Variants in SPPL3 observed in about 807,000 individuals in gnomAD.
SPPL3 encodes the protein signal peptide peptidase-like 3.
SPPL3 carries 5 observed loss-of-function variants against 42.4 expected under a neutral mutation model. The observed-to-expected ratio is 0.12, with a 90% CI of 0.06 to 0.25. The LOEUF is 0.25. Among genes scored for constraint, SPPL3 ranks in the 10% least tolerant of loss-of-function variants. The pLI, the probability that SPPL3 is intolerant of heterozygous loss-of-function variation, is 1.00. For synonymous variants in SPPL3, 195 were observed against 181.8 expected, an observed-to-expected ratio of 1.07 and a Z score of -0.58; for missense variants, 235 against 489.0, an observed-to-expected ratio of 0.48 and a Z score of 4.90.
intron 1 of SPPL3, among the ~76,000 whole-genome samples, chr12:120,852,368 A>G: frequency 1.6e-5 from 1 of 63,378 alleles, no homozygotes; most frequent in African/African-American, 5.6e-5. Flanking sequence ...TATGAAATAT[A>G]TGTATATATA....
At chr12:120,846,544 C>A (rs1455403277) in intron 1 of SPPL3, among the ~76,000 whole-genome samples, 4 of 152,090 alleles carry the variant, frequency 2.6e-5, no homozygotes, top group African/African-American at 9.7e-5. Flanking sequence ...TCTATAAAAG[C>A]TATGGAGAGT....
At chr12:120,807,874 A>C (rs1870552262) in intron 2 of SPPL3, among the ~76,000 whole-genome samples, 1 of 152,018 alleles carries the variant, frequency 6.6e-6, no homozygotes, top group Admixed American at 6.5e-5. Flanking sequence ...AAAAACACCA[A>C]CTTATTCAGT....
rs11374486 is a variant in SPPL3 at position 120,820,306 on chromosome 12, A to ATTTTT, written c.24-9425_24-9421dup. Among the ~76,000 whole-genome samples, 808 of 100,988 alleles carry ATTTTT rather than the reference A, an allele frequency of 8.0e-3. 2 individuals carry two copies. Among genetic ancestry groups the ATTTTT allele is most frequent in the African/African-American group, 0.012 (288 of 24,422 alleles). The allele number at this position is 100,988 out of a possible 152,430, so 66.3% of individuals were successfully genotyped here. The stretch of plus-strand genomic sequence containing the variant: ...GGACTTAATTTGTATCTTTCTCTAA[A>ATTTTT]TTTTTTTTTTTTTTTTTTTTTTTTG... On this transcript the variant is annotated intron_variant, in intron 1 of 10. Transcript: ENST00000353487.
intron 3 of SPPL3, among the ~76,000 whole-genome samples, chr12:120,787,495 AACTCTTGCCCTCCACCCTC>A (rs1282484507): frequency 6.6e-6 from 1 of 152,118 alleles, no homozygotes; most frequent in Non-Finnish European, 1.5e-5. Flanking sequence ...ACCTGGAGGG[AACTCTTGCCCTCCACCCTC>A]ACTCCTGTCA....
chr12:120,836,093 T>C (rs1304252810), intron 1 of SPPL3, among the ~76,000 whole-genome samples: 1 of 152,124 alleles, frequency 6.6e-6, no homozygotes, highest in East Asian at 1.9e-4. Flanking sequence ...TCTGTAACTT[T>C]GGAGTGTGCA....
chr12:120,796,719 T>TAG (rs2136990291), intron 2 of SPPL3, among the ~76,000 whole-genome samples: 1 of 152,336 alleles, frequency 6.6e-6, no homozygotes, highest in East Asian at 1.9e-4. Flanking sequence ...GGGTAATTAT[T>TAG]CTCTATCATT....
intron 5 of SPPL3, 52 bp downstream of exon 5, chr12:120,783,622 C>G: frequency 2.0e-6 from 3 of 1,488,814 alleles, no homozygotes; most frequent in Non-Finnish European, 2.7e-6. Flanking sequence ...TCAAATATGA[C>G]AGAAAAATAT....
intron 2 of SPPL3, among the ~76,000 whole-genome samples, chr12:120,793,401 T>A (rs947121019): frequency 6.6e-6 from 1 of 152,074 alleles, no homozygotes; most frequent in Non-Finnish European, 1.5e-5. Context: ...CAGGCTGAGG[T>A]AGGAGATCAC....
At chr12:120,855,984 T>C (rs2090647851) in intron 1 of SPPL3, among the ~76,000 whole-genome samples, 1 of 152,202 alleles carries the variant, frequency 6.6e-6, no homozygotes. Flanking sequence ...AAGCCAGCAC[T>C]GTTCAACAGA....
chr12:120,903,692 C>T (rs74416604), intron 1 of SPPL3, among the ~76,000 whole-genome samples, 153 bp downstream of exon 1: 9,692 of 152,122 alleles, frequency 0.064, 543 homozygotes, highest in East Asian at 0.3. Context: ...GCCAGCCGCC[C>T]CCTCCGGTGG....
intron 8 of SPPL3, among the ~76,000 whole-genome samples, 161 bp downstream of exon 8, chr12:120,768,161 CCTT>C (rs1199661562): frequency 6.6e-6 from 1 of 152,212 alleles, no homozygotes; most frequent in Non-Finnish European, 1.5e-5. Flanking sequence ...ACTCAGTGAT[CCTT>C]CTTGGCAAGC....
intron 1 of SPPL3, among the ~76,000 whole-genome samples, chr12:120,839,552 C>T (rs1871736957): frequency 6.6e-6 from 1 of 151,940 alleles, no homozygotes; most frequent in African/African-American, 2.4e-5. Flanking sequence ...CTTTCCTGAA[C>T]TCATCTTAAA....
At chr12:120,856,692 T>C (rs1260698860) in intron 1 of SPPL3, among the ~76,000 whole-genome samples, 1 of 151,924 alleles carries the variant, frequency 6.6e-6, no homozygotes, top group Non-Finnish European at 1.5e-5. Context: ...AATCTGCACC[T>C]ACAACAAAGC....
At chr12:120,833,438 A>T (rs1307517164) in intron 1 of SPPL3, among the ~76,000 whole-genome samples, 1 of 152,214 alleles carries the variant, frequency 6.6e-6, no homozygotes, top group Non-Finnish European at 1.5e-5. Context: ...ACATTTTAAC[A>T]AATAGGATGG....
intron 1 of SPPL3, among the ~76,000 whole-genome samples, chr12:120,876,356 G>A (rs1873085404): frequency 6.6e-6 from 1 of 152,004 alleles, no homozygotes; most frequent in Non-Finnish European, 1.5e-5. Context: ...GCTCACGCCT[G>A]TAATCTCAGC....
chr12:120,836,579 TGAAGAATCATGA>T (rs1871629157), intron 1 of SPPL3, among the ~76,000 whole-genome samples: 1 of 152,156 alleles, frequency 6.6e-6, no homozygotes, highest in African/African-American at 2.4e-5. Context: ...AATGCAGATC[TGAAGAATCATGA>T]GCAAATATAG....
At chr12:120,851,157 T>C (rs577643861) in intron 1 of SPPL3, among the ~76,000 whole-genome samples, 1 of 152,330 alleles carries the variant, frequency 6.6e-6, no homozygotes, top group South Asian at 2.1e-4. Flanking sequence ...TCCTAATGAA[T>C]GAGAACGCGA....
intron 1 of SPPL3, among the ~76,000 whole-genome samples, chr12:120,902,244 CCTT>C (rs62785060): frequency 0.054 from 8,281 of 152,268 alleles, 300 homozygotes; most frequent in Non-Finnish European, 0.082. Flanking sequence ...CTCTCAGTTA[CCTT>C]CTTCTTGAGA....
chr12:120,821,488 TA>T (rs1479397310), intron 1 of SPPL3, among the ~76,000 whole-genome samples: 1 of 152,178 alleles, frequency 6.6e-6, no homozygotes, highest in African/African-American at 2.4e-5. Context: ...ACAAGCTGGA[TA>T]AAGCAGTTTT....
Sources: gnomAD v4.1 joint callset for allele counts (sites outside exome capture counted in the v4.1 genomes callset) on GRCh38, gnomAD v4.1.1 for gene constraint, MANE v1.5 for transcripts, NCBI Gene and HGNC (gene_info 2026-07-23, HGNC 2026-07-21) for gene names.